Variants in ZDHHC15 observed in about 807,000 individuals in gnomAD.
ZDHHC15 encodes palmitoyltransferase ZDHHC15.
A neutral mutation model predicts 31.7 loss-of-function variants in ZDHHC15; 19 were observed. The ratio of observed to expected loss-of-function variants is 0.60; its 90% CI spans 0.42 to 0.88. The LOEUF (loss-of-function observed/expected upper bound fraction) is 0.88, where lower values mean the gene tolerates loss of function less well. ZDHHC15 is among the 40% of genes least tolerant of loss of function. The probability of loss-of-function intolerance (pLI) is 0.00; values close to 1 mark genes in which losing one functional copy is unlikely to be tolerated. For missense variants in ZDHHC15, 209 were observed against 251.2 expected, an observed-to-expected ratio of 0.83 and a Z score of 1.14; for synonymous variants, 103 against 90.0, an observed-to-expected ratio of 1.14 and a Z score of -0.82.
chrX:75,496,431 G>A (rs900202518), intron 2 of ZDHHC15, among the ~76,000 whole-genome samples: 23 of 111,236 alleles, frequency 2.1e-4, no homozygotes, highest in African/African-American at 7.2e-4. Flanking sequence ...TCAACTGACA[G>A]CACTAGACTG....
chrX:75,374,904 T>C (rs1341772839), intron 11 of ZDHHC15, among the ~76,000 whole-genome samples: 1 of 110,667 alleles, frequency 9.0e-6, no homozygotes, highest in Non-Finnish European at 1.9e-5. Context: ...TGCCTGGTGA[T>C]GGCGCAGGGG....
At chrX:75,484,229 C>A (rs1176408671) in intron 2 of ZDHHC15, among the ~76,000 whole-genome samples, 3 of 111,441 alleles carry the variant, frequency 2.7e-5, no homozygotes, top group Non-Finnish European at 5.7e-5. Context: ...GACACATTTT[C>A]CTCATATCAA....
chrX:75,500,006 T>C (rs1286566299), intron 2 of ZDHHC15, among the ~76,000 whole-genome samples: 1 of 111,574 alleles, frequency 9.0e-6, no homozygotes, highest in Non-Finnish European at 1.9e-5. Context: ...TTGGAGACCA[T>C]TATTCTAAGT....
intron 4 of ZDHHC15, among the ~76,000 whole-genome samples, chrX:75,437,621 A>AT (rs1478014980): frequency 9.6e-6 from 1 of 104,279 alleles, no homozygotes; most frequent in Non-Finnish European, 2.0e-5. Context: ...TGAACTCATC[A>AT]TTTTTTATGG....
Position 75,486,881 on chromosome X carries a change from C to T in ZDHHC15, c.164-7896G>A, listed in dbSNP as rs556480902. On this transcript the variant is annotated intron_variant, in intron 2 of 11. Coordinates refer to ENST00000373367, the MANE Select transcript of ZDHHC15 (RefSeq NM_144969.3). ...AGCTCAGACTCACCTAACCTTGCCC[C>T]CACATGCTGGTTTTTCTTTAACTGC... Among the ~76,000 whole-genome samples the T allele has an allele frequency of 3.6e-5, 4 of 111,439 alleles. 1 individual carries two copies. In the East Asian group the frequency reaches 1.1e-3, roughly 32 times the overall value.
At chrX:75,456,950 C>A (rs1405658931) in intron 3 of ZDHHC15, among the ~76,000 whole-genome samples, 3 of 111,703 alleles carry the variant, frequency 2.7e-5, no homozygotes, top group African/African-American at 9.7e-5. Flanking sequence ...TTAATTTCCT[C>A]ATCCAAGAAA....
At chrX:75,515,247 C>A (rs928548166) in intron 1 of ZDHHC15, among the ~76,000 whole-genome samples, 1 of 111,079 alleles carries the variant, frequency 9.0e-6, no homozygotes, top group Non-Finnish European at 1.9e-5. Flanking sequence ...CATCCTGATA[C>A]CAAAGCCTGG....
chrX:75,385,901 T>G (rs1224177409), intron 10 of ZDHHC15, among the ~76,000 whole-genome samples: 2 of 111,961 alleles, frequency 1.8e-5, no homozygotes, highest in African/African-American at 6.5e-5. Context: ...TGTGTTCTGT[T>G]AGGGAACTTT....
chrX:75,475,502 G>C (rs1008558569), intron 3 of ZDHHC15, among the ~76,000 whole-genome samples: 2 of 112,007 alleles, frequency 1.8e-5, no homozygotes, highest in African/African-American at 6.5e-5. Flanking sequence ...AATGCTTTTA[G>C]CATGGTTGTT....
At chrX:75,501,940 G>T (rs1208052991) in intron 2 of ZDHHC15, 2 of 111,610 alleles carry the variant, frequency 1.8e-5, no homozygotes, top group African/African-American at 6.5e-5. Context: ...TTCTTTTGCT[G>T]TGCAGAAGCT....
chrX:75,434,864 G>T (rs1187672360), intron 4 of ZDHHC15, among the ~76,000 whole-genome samples: 1 of 111,761 alleles, frequency 8.9e-6, no homozygotes, highest in Non-Finnish European at 1.9e-5. Flanking sequence ...TTTTTCCAGT[G>T]CTGTGAAGAA....
chrX:75,466,594 A>G (rs751268532), intron 3 of ZDHHC15, among the ~76,000 whole-genome samples: 16 of 111,730 alleles, frequency 1.4e-4, no homozygotes, highest in Non-Finnish European at 2.6e-4. Flanking sequence ...ACATGCATGC[A>G]TATGTTCATT....
chrX:75,380,558 G>A (rs1230671293), intron 10 of ZDHHC15, among the ~76,000 whole-genome samples: 2 of 111,521 alleles, frequency 1.8e-5, no homozygotes, highest in Non-Finnish European at 3.8e-5. Context: ...TGAGGCTTGA[G>A]CTGAAAACCC....
At chrX:75,384,917 G>A in intron 10 of ZDHHC15, 1 of 467,642 alleles carries the variant, frequency 2.1e-6, no homozygotes. Flanking sequence ...TTCCATCATT[G>A]GCACTATCTA....
intron 10 of ZDHHC15, among the ~76,000 whole-genome samples, chrX:75,404,256 C>T (rs1002055253): frequency 8.0e-5 from 9 of 112,127 alleles, no homozygotes; most frequent in African/African-American, 2.6e-4. Flanking sequence ...AAGTATAAAA[C>T]CCCAAACTAC....
At chrX:75,408,816 G>C (rs2083449231) in intron 10 of ZDHHC15, among the ~76,000 whole-genome samples, 1 of 111,932 alleles carries the variant, frequency 8.9e-6, no homozygotes, top group Admixed American at 9.5e-5. Context: ...ACAATCTTAA[G>C]AAATAAATCA....
At chrX:75,393,689 A>G (rs1466534667) in intron 10 of ZDHHC15, among the ~76,000 whole-genome samples, 1 of 111,833 alleles carries the variant, frequency 8.9e-6, no homozygotes, top group Non-Finnish European at 1.9e-5. Flanking sequence ...TCCATCCTTA[A>G]TATTCTGTTC....
intron 4 of ZDHHC15, among the ~76,000 whole-genome samples, chrX:75,432,240 T>G (rs1324065300): frequency 9.0e-6 from 1 of 111,690 alleles, no homozygotes; most frequent in Non-Finnish European, 1.9e-5. Context: ...TTCCTTTAGA[T>G]GAAAGGTATT....
At chrX:75,437,106 C>T (rs1016966594) in intron 4 of ZDHHC15, among the ~76,000 whole-genome samples, 11 of 110,423 alleles carry the variant, frequency 1.0e-4, no homozygotes, top group Admixed American at 4.8e-4. Flanking sequence ...TGGTCTTGAT[C>T]GCCTTACCTC....
Sources: gnomAD v4.1 joint callset for allele counts (sites outside exome capture counted in the v4.1 genomes callset) on GRCh38, gnomAD v4.1.1 for gene constraint, MANE v1.5 for transcripts, NCBI Gene and HGNC (gene_info 2026-07-23, HGNC 2026-07-21) for gene names.